Variants in ATP8B1 observed in about 807,000 individuals in gnomAD.
ATP8B1 encodes phospholipid-transporting ATPase IC.
A neutral mutation model predicts 149.9 loss-of-function variants in ATP8B1; 80 were observed. That is an observed-to-expected ratio of 0.53 (90% CI 0.45 to 0.64). The LOEUF is 0.64. Ranked by LOEUF, ATP8B1 falls within the 30% of genes least tolerant of loss-of-function variation. ATP8B1 has a pLI of 0.00. For synonymous variants in ATP8B1, 536 were observed against 562.8 expected (o/e 0.95, Z 0.67); for missense variants, 1,247 against 1,552.6 (o/e 0.80, Z 3.31).
At chr18:57,693,113 A>T (rs1395817502) in intron 11 of ATP8B1, among the ~76,000 whole-genome samples, 3 of 152,270 alleles carry the variant, frequency 2.0e-5, no homozygotes, top group African/African-American at 7.2e-5. Context: ...TCATGAAATG[A>T]GAAAGCAGGG....
intron 1 of ATP8B1, among the ~76,000 whole-genome samples, chr18:57,754,120 G>A (rs2080053694): frequency 6.6e-6 from 1 of 151,868 alleles, no homozygotes; most frequent in Non-Finnish European, 1.5e-5. Context: ...TGTTCTTTTT[G>A]TGCATTACAA....
At chr18:57,662,348 T>C in intron 21 of ATP8B1, 135 bp downstream of exon 21, 2 of 1,044,078 alleles carry the variant, frequency 1.9e-6, no homozygotes, top group Non-Finnish European at 2.8e-6. Flanking sequence ...AGTCTCAAAC[T>C]TGGAAAAACC....
intron 24 of ATP8B1, among the ~76,000 whole-genome samples, chr18:57,653,708 T>TTTGG (rs1909796872): frequency 6.9e-6 from 1 of 145,430 alleles, no homozygotes; most frequent in African/African-American, 2.6e-5. Flanking sequence ...TTTTTTGTCT[T>TTTGG]AGAGATGGGG....
At chr18:57,726,547 A>C (rs2079710948) in intron 2 of ATP8B1, among the ~76,000 whole-genome samples, 1 of 152,186 alleles carries the variant, frequency 6.6e-6, no homozygotes, top group African/African-American at 2.4e-5. Flanking sequence ...ATTCCACAAG[A>C]GGTTCTGATG....
intron 16 of ATP8B1, among the ~76,000 whole-genome samples, chr18:57,673,562 C>T (rs1911398086): frequency 6.6e-6 from 1 of 151,490 alleles, no homozygotes; most frequent in Admixed American, 6.6e-5. Context: ...CCTTCTAACG[C>T]AATTTACTCT....
At chr18:57,651,826 G>A (rs1250977025) in intron 26 of ATP8B1, among the ~76,000 whole-genome samples, 5 of 151,880 alleles carry the variant, frequency 3.3e-5, no homozygotes, top group Admixed American at 6.6e-5. Flanking sequence ...TAGAGATGGG[G>A]TTTAGCCATG....
In ATP8B1 at chr18:57,648,633, G is replaced by C. The variant is rs768785533; in HGVS notation, c.3611C>G (p.Thr1204Arg). ...CGAGAAGGCGTAGGCCGAGCGCCGC[G>C]TTGACACGCCCCGGCGGAACACCTG... ...RQQVFRRGVS[T>R]RRSAYAFSHQ... is the part of the protein sequence containing the mutation. The change falls in exon 28 of 28, where the codon ACG becomes AGG. Residue 1204 changes from threonine to arginine, a missense_variant. Thr to Arg is a moderately conservative substitution (Grantham distance 71, BLOSUM62 -1). This residue lies in a region of ATP8B1 where 164 missense variants were observed against 160.3 expected (regional missense o/e 1.02). Coordinates refer to ENST00000648908, the MANE Select transcript of ATP8B1 (RefSeq NM_001374385.1). 186 of 1,603,184 alleles carry C rather than the reference G, an allele frequency of 1.2e-4. No homozygotes were observed. The highest frequency in any genetic ancestry group is 1.5e-4 in the Non-Finnish European group (175 of 1,176,058).
intron 16 of ATP8B1, among the ~76,000 whole-genome samples, chr18:57,672,931 T>TATATATATATATAA (rs1301236712): frequency 6.0e-5 from 2 of 33,190 alleles, no homozygotes; most frequent in African/African-American, 1.4e-4. Context: ...TATATATATA[T>TATATATATATATAA]AACATGTATA....
intron 1 of ATP8B1, among the ~76,000 whole-genome samples, chr18:57,785,437 CAGTA>C (rs2080397564): frequency 6.6e-6 from 1 of 152,184 alleles, no homozygotes; most frequent in African/African-American, 2.4e-5. Flanking sequence ...CAAAGTATGG[CAGTA>C]AGTATCAAAA....
At chr18:57,694,695 T>C in intron 10 of ATP8B1, 25 bp from the exon 11 acceptor site, 1 of 1,456,622 alleles carries the variant, frequency 6.9e-7, no homozygotes, top group Middle Eastern at 1.7e-4. Flanking sequence ...TTCAATGTAG[T>C]CATCAGTTGG....
intron 8 of ATP8B1, among the ~76,000 whole-genome samples, chr18:57,696,542 T>TC (rs1183997093): frequency 6.3e-4 from 35 of 55,734 alleles, no homozygotes; most frequent in African/African-American, 2.4e-3. Flanking sequence ...AGTATTTTTT[T>TC]CCGCCAAAAA....
At chr18:57,713,873 C>T (rs1225636041) in intron 2 of ATP8B1, among the ~76,000 whole-genome samples, 4 of 151,664 alleles carry the variant, frequency 2.6e-5, no homozygotes, top group East Asian at 2.0e-4. Flanking sequence ...GTGATCTGCC[C>T]GCCTCAGCCT....
At chr18:57,656,049 TG>T (rs768377192) in intron 22 of ATP8B1, among the ~76,000 whole-genome samples, 3 of 152,174 alleles carry the variant, frequency 2.0e-5, no homozygotes, top group Non-Finnish European at 4.4e-5. Context: ...ACCTGGATGT[TG>T]ACAGGCAACT....
At chr18:57,786,825 A>G (rs1357140901) in intron 1 of ATP8B1, among the ~76,000 whole-genome samples, 3 of 152,242 alleles carry the variant, frequency 2.0e-5, no homozygotes, top group Admixed American at 6.5e-5. Context: ...CCAATGGTTC[A>G]TGAAAACTAG....
At chr18:57,687,162 G>A (rs1912291705) in intron 13 of ATP8B1, among the ~76,000 whole-genome samples, 1 of 152,100 alleles carries the variant, frequency 6.6e-6, no homozygotes, top group African/African-American at 2.4e-5. Context: ...CAGTTCAGTG[G>A]CATCAAGTAT....
At chr18:57,700,989 A>G (rs1429596707) in intron 6 of ATP8B1, 50 bp downstream of exon 6, 2 of 1,505,302 alleles carry the variant, frequency 1.3e-6, no homozygotes, top group Non-Finnish European at 1.9e-6. Flanking sequence ...GTTTCTAGGC[A>G]GAGTTATGCA....
intron 1 of ATP8B1, among the ~76,000 whole-genome samples, chr18:57,765,001 C>T (rs774533746): frequency 2.6e-5 from 4 of 152,126 alleles, no homozygotes; most frequent in Admixed American, 6.6e-5. Context: ...CCCATGTTCA[C>T]AACAGTGATA....
At position 57,802,187 on chromosome 18, in the gene ATP8B1, A is replaced by AG. The variant is rs1269239282; in HGVS notation, c.-26+810dup. Among the ~76,000 whole-genome samples, 1 of 151,846 alleles carries AG rather than the reference A, an allele frequency of 6.6e-6. No homozygotes were observed. Among genetic ancestry groups the AG allele is most frequent in the African/African-American group, 2.4e-5 (1 of 41,272 alleles). On this transcript the variant is annotated intron_variant, in intron 1 of 27. Coordinates refer to ENST00000648908, the MANE Select transcript of ATP8B1 (RefSeq NM_001374385.1). This position sits in a 1 kb window ranked among gnomAD's most constrained non-coding sequence, Gnocchi z 4.9. ...GGAGGGAGTTGGAGAAGTGGGGGCGAGGGGTGTTAAAGCACTGGGCCATTC... is the reference window on the plus strand; with the variant it reads ...GGAGGGAGTTGGAGAAGTGGGGGCGAGGGGGTGTTAAAGCACTGGGCCATTC...
At chr18:57,664,242 C>G (rs376386255) in intron 20 of ATP8B1, among the ~76,000 whole-genome samples, 68 of 151,970 alleles carry the variant, frequency 4.5e-4, no homozygotes, top group African/African-American at 1.4e-3. Context: ...CACTGTGGCT[C>G]ACACCTGTAA....
Sources: allele counts gnomAD v4.1 joint callset (sites outside exome capture counted in the v4.1 genomes callset), GRCh38; gene constraint gnomAD v4.1.1; regional missense constraint gnomAD v4.1.1; non-coding constraint Gnocchi (gnomAD v3.1); transcripts MANE v1.5; gene names NCBI Gene and HGNC (gene_info 2026-07-23, HGNC 2026-07-21).